CCSER2: variants seen among roughly 807,000 people sequenced by gnomAD.
CCSER2 encodes the protein serine-rich coiled-coil domain-containing protein 2.
A neutral mutation model predicts 92.3 loss-of-function variants in CCSER2; 46 were observed. That is an observed-to-expected ratio of 0.50 (90% CI 0.39 to 0.64). The LOEUF is 0.64. Among genes scored for constraint, CCSER2 ranks in the 30% least tolerant of loss-of-function variants. CCSER2 has a pLI of 0.00. For missense variants in CCSER2, 1,244 were observed against 1,238.9 expected (o/e 1.00, Z -0.06); for synonymous variants, 433 against 431.4 (o/e 1.00, Z -0.04).
chr10:84,443,887 C>T (rs2133546906), intron 6 of CCSER2, among the ~76,000 whole-genome samples: 1 of 152,146 alleles, frequency 6.6e-6, no homozygotes, highest in African/African-American at 2.4e-5. Context: ...CAAGCTAATA[C>T]TGGAACAGAA....
chr10:84,352,033 G>T (rs1195400912), intron 1 of CCSER2, among the ~76,000 whole-genome samples: 1 of 152,160 alleles, frequency 6.6e-6, no homozygotes, highest in Non-Finnish European at 1.5e-5. Context: ...GGCCGCGGTG[G>T]CTCACGCCTG....
intron 9 of CCSER2, among the ~76,000 whole-genome samples, chr10:84,502,241 C>CT (rs1350134736): frequency 2.0e-5 from 3 of 151,786 alleles, no homozygotes; most frequent in African/African-American, 7.3e-5. Context: ...TCAGATGATA[C>CT]TTGTCTCCAC....
At chr10:84,394,090 T>C (rs1040386786) in intron 3 of CCSER2, 3 of 152,230 alleles carry the variant, frequency 2.0e-5, no homozygotes, top group African/African-American at 7.2e-5. Flanking sequence ...AAAGTTTAAA[T>C]GTATGAAATG....
At chr10:84,483,790 C>CTT (rs778893851) in intron 9 of CCSER2, among the ~76,000 whole-genome samples, 45 of 134,536 alleles carry the variant, frequency 3.3e-4, no homozygotes, top group Non-Finnish European at 5.6e-4. Flanking sequence ...TTTTTCTTTT[C>CTT]TTTTTTTTTT....
intron 3 of CCSER2, among the ~76,000 whole-genome samples, chr10:84,374,177 A>T (rs1846210710): frequency 6.6e-6 from 1 of 152,020 alleles, no homozygotes; most frequent in Non-Finnish European, 1.5e-5. Flanking sequence ...TAGTGGGTAG[A>T]TGCCAAGGAT....
intron 7 of CCSER2, among the ~76,000 whole-genome samples, chr10:84,466,727 A>G (rs1180444343): frequency 6.8e-6 from 1 of 147,810 alleles, no homozygotes. Flanking sequence ...GTTAGCCAGG[A>G]TTTTCTTGAT....
chr10:84,513,460 A>ACAGCCTTCCAG lies in CCSER2; in HGVS notation c.2347_2357dup (p.Arg787AlafsTer14). 1.2e-6 allele frequency: 2 copies of ACAGCCTTCCAG among 1,607,904 alleles called. No homozygotes were observed. The highest frequency in any genetic ancestry group is 1.7e-6 in the Non-Finnish European group (2 of 1,176,834). ...TTTAATTTTAACAGCCTCAAGTACTACAGCCTTCCAGCAGCCTTCCCAGAC... is the reference window on the plus strand; with the variant it reads ...TTTAATTTTAACAGCCTCAAGTACTACAGCCTTCCAGCAGCCTTCCAGCAGCCTTCCCAGAC... On this transcript the variant is annotated frameshift_variant, in exon 10 of 10. Coordinates refer to ENST00000372088, the MANE Select transcript of CCSER2 (RefSeq NM_001284240.2). LOFTEE classifies it high-confidence loss of function.
intron 8 of CCSER2, among the ~76,000 whole-genome samples, chr10:84,476,036 T>A (rs1847116849): frequency 6.6e-6 from 1 of 152,020 alleles, no homozygotes; most frequent in South Asian, 2.1e-4. Context: ...GGGTTTTGCC[T>A]TGTTGCCCAG....
chr10:84,404,148 A>G (rs1842258629), intron 3 of CCSER2, among the ~76,000 whole-genome samples: 1 of 152,180 alleles, frequency 6.6e-6, no homozygotes, highest in Non-Finnish European at 1.5e-5. Context: ...TGTGGCACAC[A>G]AGGAGCCACC....
chr10:84,467,506 T>C (rs1253433642), intron 7 of CCSER2, among the ~76,000 whole-genome samples: 1 of 152,034 alleles, frequency 6.6e-6, no homozygotes, highest in African/African-American at 2.4e-5. Flanking sequence ...ATGTGAGATG[T>C]CTTAAACATT....
chr10:84,394,676 A>C (rs2133279367), intron 3 of CCSER2, among the ~76,000 whole-genome samples: 1 of 152,144 alleles, frequency 6.6e-6, no homozygotes, highest in South Asian at 2.1e-4. Context: ...AGGAAGAAAA[A>C]TTCAGTATCT....
intron 3 of CCSER2, among the ~76,000 whole-genome samples, chr10:84,407,732 T>G (rs186626025): frequency 9.2e-5 from 14 of 152,360 alleles, no homozygotes; most frequent in African/African-American, 3.4e-4. Flanking sequence ...TAGTTTTGTT[T>G]ACCTGGGCAT....
intron 3 of CCSER2, among the ~76,000 whole-genome samples, chr10:84,406,440 T>C (rs1842382005): frequency 6.6e-6 from 1 of 152,202 alleles, no homozygotes; most frequent in Non-Finnish European, 1.5e-5. Flanking sequence ...GTCATTCATT[T>C]GTCAGAAACA....
At chr10:84,400,036 T>C (rs139968153) in intron 3 of CCSER2, among the ~76,000 whole-genome samples, 119 of 152,246 alleles carry the variant, frequency 7.8e-4, no homozygotes, top group African/African-American at 2.8e-3. Context: ...TGTATATCTT[T>C]AGAGAAATGT....
chr10:84,484,122 C>T (rs1159017998), intron 9 of CCSER2, among the ~76,000 whole-genome samples: 43 of 150,722 alleles, frequency 2.9e-4, no homozygotes, highest in East Asian at 2.3e-3. Context: ...TACAGGTGCC[C>T]GCCACTATGC....
intron 8 of CCSER2, among the ~76,000 whole-genome samples, chr10:84,472,400 C>G (rs762323394): frequency 5.9e-5 from 9 of 152,194 alleles, no homozygotes; most frequent in Non-Finnish European, 1.0e-4. Flanking sequence ...GAAACCCTGT[C>G]TCTACTAAAA....
chr10:84,484,510 T>TGTGTGC (rs1847689884), intron 9 of CCSER2, among the ~76,000 whole-genome samples: 1 of 152,038 alleles, frequency 6.6e-6, no homozygotes, highest in African/African-American at 2.4e-5. Flanking sequence ...TGTGTGTGTG[T>TGTGTGC]GTGTGTTTCA....
chr10:84,469,638 A>G (rs1846658578), intron 7 of CCSER2, among the ~76,000 whole-genome samples: 1 of 152,142 alleles, frequency 6.6e-6, no homozygotes, highest in African/African-American at 2.4e-5. Context: ...CTTTTGGATA[A>G]CTGAATAATG....
intron 1 of CCSER2, among the ~76,000 whole-genome samples, chr10:84,337,875 G>A (rs898331220): frequency 1.3e-5 from 2 of 152,194 alleles, no homozygotes; most frequent in African/African-American, 2.4e-5. Context: ...CACATGTTGC[G>A]AAGGAAAAGG....
Sources: allele counts gnomAD v4.1 joint callset (sites outside exome capture counted in the v4.1 genomes callset), GRCh38; gene constraint gnomAD v4.1.1; transcripts MANE v1.5; gene names NCBI Gene and HGNC (gene_info 2026-07-23, HGNC 2026-07-21).